The following GALNTL6 variants were observed in gnomAD, a reference collection of about 807,000 sequenced individuals.
GALNTL6 encodes the protein polypeptide N-acetylgalactosaminyltransferase like 6, also known as polypeptide N-acetylgalactosaminyltransferase-like 6.
Under a neutral mutation model 73.7 loss-of-function variants are expected in GALNTL6, and 46 were observed. The observed-to-expected ratio is 0.62, with a 90% CI of 0.49 to 0.80. The LOEUF (loss-of-function observed/expected upper bound fraction) is 0.80. Among genes scored for constraint, GALNTL6 ranks in the 30% least tolerant of loss-of-function variants. The pLI, the probability that GALNTL6 is intolerant of heterozygous loss-of-function variation, is 0.00. For missense variants in GALNTL6, 604 were observed against 755.0 expected (o/e 0.80, Z 2.34); for synonymous variants, 259 against 263.7 (o/e 0.98, Z 0.17).
At chr4:171,990,878 C>A (rs1740312772) in intron 2 of GALNTL6, among the ~76,000 whole-genome samples, 1 of 152,102 alleles carries the variant, frequency 6.6e-6, no homozygotes, top group Admixed American at 6.5e-5. Flanking sequence ...TTGAAATAAG[C>A]TTGTTAATTA....
intron 2 of GALNTL6, among the ~76,000 whole-genome samples, chr4:171,967,664 C>CA (rs749494963): frequency 7.9e-5 from 12 of 151,970 alleles, no homozygotes; most frequent in Non-Finnish European, 1.3e-4. Context: ...TTTTGTAATA[C>CA]AAAAATAACA....
chr4:172,377,224 AC>A (rs1001923674), intron 5 of GALNTL6, among the ~76,000 whole-genome samples: 9 of 152,118 alleles, frequency 5.9e-5, no homozygotes, highest in Admixed American at 3.9e-4. Context: ...GTATGTTTTG[AC>A]AGAGTGCTGA....
intron 10 of GALNTL6, among the ~76,000 whole-genome samples, chr4:172,987,986 G>T (rs977143933): frequency 6.6e-6 from 1 of 152,080 alleles, no homozygotes; most frequent in Non-Finnish European, 1.5e-5. Flanking sequence ...GTGAAAGAAT[G>T]GACTAATACA....
chr4:173,033,404 G>T (rs1257255777), intron 12 of GALNTL6, among the ~76,000 whole-genome samples: 1 of 140,308 alleles, frequency 7.1e-6, no homozygotes, highest in Non-Finnish European at 1.5e-5. Context: ...AAAAAAAAAT[G>T]GAAAAGGGTA....
At chr4:172,664,465 A>C (rs2111188153) in intron 5 of GALNTL6, among the ~76,000 whole-genome samples, 1 of 152,314 alleles carries the variant, frequency 6.6e-6, no homozygotes, top group South Asian at 2.1e-4. Context: ...TTGCTTTATA[A>C]CACCCAAATC....
intron 2 of GALNTL6, among the ~76,000 whole-genome samples, chr4:171,887,841 T>G (rs7675045): frequency 6.6e-6 from 1 of 151,846 alleles, no homozygotes; most frequent in African/African-American, 2.4e-5. Context: ...CCCACTAGGG[T>G]TTTTCTCATT....
At position 172,590,540 on chromosome 4, in the gene GALNTL6, C is replaced by A. The variant is rs149242729; in HGVS notation, c.554-218821C>A. On this transcript the variant is annotated intron_variant, in intron 5 of 12. Transcript: ENST00000506823. ...TTTGTAATCTTTGTCCATAAATAAA[C>A]CTCCCCCTCAATTTAACAAAGACAA... Among the ~76,000 whole-genome samples, 1,097 of 152,202 alleles carry A rather than the reference C, an allele frequency of 7.2e-3. 18 individuals are homozygous for A. Among genetic ancestry groups the A allele is most frequent in the African/African-American group, 0.025 (1,047 of 41,540 alleles).
intron 5 of GALNTL6, among the ~76,000 whole-genome samples, chr4:172,737,987 AC>A (rs1470799328): frequency 6.6e-6 from 1 of 151,486 alleles, no homozygotes; most frequent in African/African-American, 2.4e-5. Flanking sequence ...TCTTAGTTAG[AC>A]TCTCCTTTGG....
chr4:172,649,298 G>C (rs971947545), intron 5 of GALNTL6, among the ~76,000 whole-genome samples: 8 of 152,120 alleles, frequency 5.3e-5, no homozygotes, highest in Admixed American at 4.6e-4. Context: ...AAAACAGGGA[G>C]GGGGCAGACA....
chr4:172,524,767 A>T (rs1734897516), intron 5 of GALNTL6, among the ~76,000 whole-genome samples: 1 of 152,232 alleles, frequency 6.6e-6, no homozygotes, highest in Non-Finnish European at 1.5e-5. Flanking sequence ...TGACAACCAA[A>T]AAATAAAGTT....
rs376838426 is a variant in GALNTL6, at chr4:172,284,486, A to G, written c.248-27128A>G. Among the ~76,000 whole-genome samples the G allele has an allele frequency of 7.9e-5, 12 of 151,412 alleles. No homozygotes were observed. In the East Asian group the frequency reaches 2.4e-3, roughly 30 times the overall value. ...TCCAATGCTTATTACTTCACATTCT[A>G]TGGCCAAATCCCATTTACCCACTGT... On this transcript the variant is annotated intron_variant, in intron 3 of 12. Coordinates refer to ENST00000506823, the MANE Select transcript of GALNTL6 (RefSeq NM_001034845.3).
At chr4:172,563,072 T>C (rs1015516529) in intron 5 of GALNTL6, among the ~76,000 whole-genome samples, 3 of 152,380 alleles carry the variant, frequency 2.0e-5, no homozygotes, top group Non-Finnish European at 4.4e-5. Context: ...TCCGTGATCC[T>C]ACCTGAATTA....
chr4:172,821,756 A>C (rs1039743926), intron 7 of GALNTL6, among the ~76,000 whole-genome samples: 3 of 152,264 alleles, frequency 2.0e-5, no homozygotes, highest in Admixed American at 2.0e-4. Context: ...TCAAGTGTTT[A>C]AAAAACTAAT....
intron 2 of GALNTL6, among the ~76,000 whole-genome samples, chr4:171,934,991 T>G (rs908793343): frequency 1.7e-4 from 26 of 152,148 alleles, no homozygotes; most frequent in African/African-American, 6.3e-4. Context: ...CTCCTGACCC[T>G]TGAAGCATTG....
At chr4:172,813,144 A>G (rs989957513) in intron 6 of GALNTL6, among the ~76,000 whole-genome samples, 25 of 152,176 alleles carry the variant, frequency 1.6e-4, no homozygotes, top group East Asian at 1.5e-3. Context: ...AACCTCCAGA[A>G]AGCAGGCCAG....
intron 2 of GALNTL6, among the ~76,000 whole-genome samples, chr4:172,191,869 G>A (rs1735598812): frequency 1.3e-5 from 2 of 152,048 alleles, no homozygotes; most frequent in East Asian, 1.9e-4. Flanking sequence ...ATAGACTATT[G>A]AGACTGTCTA....
At chr4:172,621,094 A>T (rs1347547024) in intron 5 of GALNTL6, among the ~76,000 whole-genome samples, 1 of 152,246 alleles carries the variant, frequency 6.6e-6, no homozygotes, top group African/African-American at 2.4e-5. Context: ...ATAAAATATC[A>T]TTATGAAGGC....
chr4:172,845,650 T>C (rs1743469850), intron 7 of GALNTL6, among the ~76,000 whole-genome samples: 1 of 152,156 alleles, frequency 6.6e-6, no homozygotes, highest in Non-Finnish European at 1.5e-5. Flanking sequence ...CTACATTGCC[T>C]CTTACTGTTT....
At position 172,752,046 on chromosome 4, in the gene GALNTL6, T is replaced by TAAA. The variant is rs5864166; in HGVS notation, c.554-57301_554-57299dup. 1.4e-3 allele frequency among the ~76,000 whole-genome samples: 185 copies of TAAA among 135,000 alleles called. 2 individuals are homozygous for TAAA. Among genetic ancestry groups the TAAA allele is most frequent in the Middle Eastern group, 7.8e-3 (2 of 258 alleles). The allele number at this position is 135,000 out of a possible 152,430, so 88.6% of individuals were successfully genotyped here. On this transcript the variant is annotated intron_variant, in intron 5 of 12. Coordinates refer to ENST00000506823, the MANE Select transcript of GALNTL6 (RefSeq NM_001034845.3). The stretch of plus-strand genomic sequence containing the variant: ...TAAGTAATCCATATCAACTTAAACT[T>TAAA]AAAAAAAAAAAAAAAAGCCCACAAG...
Sources: gnomAD v4.1 joint callset for allele counts (sites outside exome capture counted in the v4.1 genomes callset) on GRCh38, gnomAD v4.1.1 for gene constraint, MANE v1.5 for transcripts, NCBI Gene and HGNC (gene_info 2026-07-23, HGNC 2026-07-21) for gene names.